FAM107A: variants seen among roughly 807,000 people sequenced by gnomAD.
The protein encoded by FAM107A is family with sequence similarity 107 member A.
A neutral mutation model predicts 13.7 loss-of-function variants in FAM107A; 19 were observed. The ratio of observed to expected loss-of-function variants is 1.38; its 90% CI spans 0.97 to 2.03. The LOEUF (loss-of-function observed/expected upper bound fraction) is 2.03, where lower values mean the gene tolerates loss of function less well. Among genes scored for constraint, FAM107A ranks in the 30% most tolerant of loss-of-function variants. The pLI, the probability that FAM107A is intolerant of heterozygous loss-of-function variation, is 0.00. For missense variants in FAM107A, 203 were observed against 184.4 expected, an observed-to-expected ratio of 1.10 and a Z score of -0.58; for synonymous variants, 82 against 74.5, an observed-to-expected ratio of 1.10 and a Z score of -0.52.
intron 1 of FAM107A, among the ~76,000 whole-genome samples, chr3:58,598,766 T>G (rs977349535): frequency 9.2e-5 from 14 of 152,212 alleles, no homozygotes; most frequent in African/African-American, 3.4e-4. Context: ...GTCGTTTTTC[T>G]GCAGCTTCCT....
At chr3:58,615,114 T>C (rs1036446490) in intron 1 of FAM107A, among the ~76,000 whole-genome samples, 2 of 152,208 alleles carry the variant, frequency 1.3e-5, no homozygotes, top group South Asian at 2.1e-4. Context: ...CCCAAGCCAA[T>C]AGGATTTTTG....
At chr3:58,593,977 C>G (rs4681694) in intron 1 of FAM107A, among the ~76,000 whole-genome samples, 25,904 of 151,936 alleles carry the variant, frequency 0.17, 3,199 homozygotes, top group East Asian at 0.46. Flanking sequence ...ACCCCTCCCC[C>G]CCACCATATT....
chr3:58,580,251 T>C (rs2065516184), upstream of FAM107A, among the ~76,000 whole-genome samples: 1 of 151,940 alleles, frequency 6.6e-6, no homozygotes, highest in African/African-American at 2.4e-5. Context: ...AAAGTTGGTA[T>C]ATGTATAAAG....
At chr3:58,580,385 TC>T (rs201908364), upstream of FAM107A, among the ~76,000 whole-genome samples, 1,193 of 151,144 alleles carry the variant, frequency 7.9e-3, 12 homozygotes, top group Non-Finnish European at 0.012. Flanking sequence ...TTTTTTTTTT[TC>T]CTAGGGAGGA....
In FAM107A at chr3:58,624,703, G is replaced by A. The variant is rs866590947; in HGVS notation, c.-70+2713C>T. Among the ~76,000 whole-genome samples, 20 of 151,250 alleles carry A rather than the reference G, an allele frequency of 1.3e-4. No homozygotes were observed. The South Asian group carries it at 4.2e-3, about 32-fold the overall frequency. ...GCCTATGCCCCTGACATTCCCCAGG[G>A]GACAAAGGTGAGTTCACCTAAAAGC... On this transcript the variant is annotated intron_variant, in intron 1 of 3. Coordinates refer to the FAM107A transcript ENST00000465970.
exon 1 of FAM107A, chr3:58,586,931 C>A: frequency 2.0e-6 from 3 of 1,529,818 alleles, no homozygotes; most frequent in Non-Finnish European, 2.6e-6. Context: ...CCAGCCTCTG[C>A]GCCATGCCCC....
In FAM107A at chr3:58,569,956, C is replaced by T. The variant is rs183525229; in HGVS notation, c.-5-91G>A. ...CAGTTGAAGGGCAAGGTTTTCATGT[C>T]AGATGGACCTTGGCCACCTGCTACT... On this transcript the variant is annotated intron_variant, in intron 1 of 3. Coordinates refer to ENST00000360997, the MANE Select transcript of FAM107A (RefSeq NM_001076778.3). This position sits in a 1 kb window ranked among gnomAD's most constrained non-coding sequence, Gnocchi z 5.7. 104 of 1,354,324 alleles carry T rather than the reference C, an allele frequency of 7.7e-5. No individual in the cohort carries two copies. The highest frequency in any genetic ancestry group is 1.0e-4 in the Non-Finnish European group (101 of 996,556). 83.9% of individuals were successfully genotyped at this position (1,354,324 alleles called of 1,614,324 possible).
At chr3:58,587,150 A>T, upstream of FAM107A, 1 of 1,341,826 alleles carries the variant, frequency 7.5e-7, no homozygotes, top group Non-Finnish European at 9.5e-7. Flanking sequence ...GTCCGCGCCC[A>T]GGTAGCAGGC....
chr3:58,567,848 C>A (rs1308546290), intron 2 of FAM107A, among the ~76,000 whole-genome samples: 1 of 152,132 alleles, frequency 6.6e-6, no homozygotes, highest in Non-Finnish European at 1.5e-5. Context: ...AGAATATCTG[C>A]TTTTCATTTG....
chr3:58,592,425 G>A (rs148357883), intron 1 of FAM107A, among the ~76,000 whole-genome samples: 328 of 152,256 alleles, frequency 2.2e-3, no homozygotes, highest in African/African-American at 7.4e-3. Flanking sequence ...CACATGCCCC[G>A]AGTCAGGAAA....
At chr3:58,618,388 A>G (rs2065922932) in intron 1 of FAM107A, among the ~76,000 whole-genome samples, 1 of 152,186 alleles carries the variant, frequency 6.6e-6, no homozygotes, top group Admixed American at 6.5e-5. Flanking sequence ...CCTCCGAAGA[A>G]TGACTGTTGC....
intron 1 of FAM107A, among the ~76,000 whole-genome samples, chr3:58,600,141 T>C (rs1488693108): frequency 6.6e-6 from 1 of 152,180 alleles, no homozygotes; most frequent in Non-Finnish European, 1.5e-5. Flanking sequence ...CTGGGTCTTT[T>C]GATAGTGCTT....
rs938049375 is a variant in FAM107A, at chr3:58,604,785, G to A, written c.-69-15516C>T. Among the ~76,000 whole-genome samples, 2 of 152,140 alleles carry A rather than the reference G, an allele frequency of 1.3e-5. No homozygotes were observed. Among genetic ancestry groups the A allele is most frequent in the African/African-American group, 4.8e-5 (2 of 41,430 alleles). Reference sequence around the variant, plus strand: ...TAACTCTGACCTCCAGACCATCTTGGAGTTAGTTTCTATTGGCTGCTTTTT... The same window carrying A: ...TAACTCTGACCTCCAGACCATCTTGAAGTTAGTTTCTATTGGCTGCTTTTT... On this transcript the variant is annotated intron_variant, in intron 1 of 3. Transcript: ENST00000465970. The surrounding 1 kb of genome is among the most constrained non-coding windows in gnomAD (Gnocchi z 4.1).
chr3:58,597,502 G>A (rs1219508057), intron 1 of FAM107A, among the ~76,000 whole-genome samples: 4 of 152,282 alleles, frequency 2.6e-5, no homozygotes, highest in South Asian at 4.1e-4. Flanking sequence ...GTCTCTAGAC[G>A]TCTTTATTTA....
At chr3:58,575,534 A>G (rs921309974) in intron 1 of FAM107A, among the ~76,000 whole-genome samples, 2 of 152,220 alleles carry the variant, frequency 1.3e-5, no homozygotes, top group African/African-American at 4.8e-5. Context: ...CTCGATACAC[A>G]GAGAGTAAGC....
intron 1 of FAM107A, among the ~76,000 whole-genome samples, chr3:58,596,995 G>C (rs1454584412): frequency 6.6e-6 from 1 of 152,176 alleles, no homozygotes. Context: ...GTGTGTTTGA[G>C]ATTCATCAGT....
At chr3:58,591,664 T>G (rs2065655734), upstream of FAM107A, among the ~76,000 whole-genome samples, 1 of 152,208 alleles carries the variant, frequency 6.6e-6, no homozygotes, top group Non-Finnish European at 1.5e-5. The surrounding 1 kb of genome is among the most constrained non-coding windows in gnomAD (Gnocchi z 4.3). Flanking sequence ...GCAGAAATGC[T>G]ACTTCCTCAG....
At chr3:58,607,736 A>T (rs1219071278) in intron 1 of FAM107A, 1 of 152,214 alleles carries the variant, frequency 6.6e-6, no homozygotes, top group Non-Finnish European at 1.5e-5. Flanking sequence ...GCCTCAAGAA[A>T]CTGGGTGGCC....
intron 1 of FAM107A, among the ~76,000 whole-genome samples, chr3:58,619,697 C>T (rs2065935522): frequency 6.6e-6 from 1 of 152,248 alleles, no homozygotes; most frequent in African/African-American, 2.4e-5. Flanking sequence ...TCCCATGGGG[C>T]TGTGCACCCC....
Sources: gnomAD v4.1 joint callset for allele counts (sites outside exome capture counted in the v4.1 genomes callset) on GRCh38, gnomAD v4.1.1 for gene constraint, Gnocchi (gnomAD v3.1) non-coding constraint, MANE v1.5 for transcripts, NCBI Gene and HGNC (gene_info 2026-07-23, HGNC 2026-07-21) for gene names.